The following PLCD3 variants were observed in gnomAD, a reference collection of about 807,000 sequenced individuals.
PLCD3 encodes the protein 1-phosphatidylinositol 4,5-bisphosphate phosphodiesterase delta-3.
Under a neutral mutation model 82.8 loss-of-function variants are expected in PLCD3, and 62 were observed. That is an observed-to-expected ratio of 0.75 (90% CI 0.61 to 0.93). PLCD3 has a LOEUF of 0.93. Ranked by LOEUF, PLCD3 falls within the 40% of genes least tolerant of loss-of-function variation. PLCD3 has a pLI of 0.00. For missense variants in PLCD3, 1,023 were observed against 1,103.4 expected, an observed-to-expected ratio of 0.93 and a Z score of 1.03; for synonymous variants, 478 against 471.8, an observed-to-expected ratio of 1.01 and a Z score of -0.17.
In PLCD3 at chr17:45,112,708, T is replaced by G; in HGVS notation, c.2282-4A>C. On this transcript the variant is annotated splice_polypyrimidine_tract_variant and splice_region_variant and intron_variant, in intron 14 of 14. Coordinates refer to ENST00000619929, the MANE Select transcript of PLCD3 (RefSeq NM_133373.5). Reference sequence around the variant, plus strand: ...AGCAGGTGTATGTGGCGGTACCCTGTAGGGAGGACAGCCAGGCCTCAGGTC... The same window carrying G: ...AGCAGGTGTATGTGGCGGTACCCTGGAGGGAGGACAGCCAGGCCTCAGGTC... 1 of 1,602,752 alleles carries G rather than the reference T, an allele frequency of 6.2e-7. No homozygotes were observed. Among genetic ancestry groups the G allele is most frequent in the Non-Finnish European group, 8.5e-7 (1 of 1,174,980 alleles).
At position 45,111,600 on chromosome 17, in the gene PLCD3, A is replaced by C. The variant is rs747595983; in HGVS notation, c.*1016T>G. On this transcript the variant is annotated 3_prime_UTR_variant, in exon 15 of 15. Coordinates refer to ENST00000619929, the MANE Select transcript of PLCD3 (RefSeq NM_133373.5). ...AACTCATCCAGCCCTGTCCCTCCTC[A>C]TGGGCCTGTGGGGGTGGCAGCATAG... 14 of 152,156 alleles carry C rather than the reference A, an allele frequency of 9.2e-5. No individual in the cohort carries two copies. Among genetic ancestry groups the C allele is most frequent in the Admixed American group, 4.6e-4 (7 of 15,284 alleles). The allele number at this position is 152,156 out of a possible 1,614,324, so 9.4% of individuals were successfully genotyped here. A position where few individuals can be genotyped will look rare whatever the true frequency, so the allele number is the denominator to read the frequency against.
intron 3 of PLCD3, 139 bp downstream of exon 3, chr17:45,120,763 C>G: frequency 1.8e-6 from 2 of 1,132,372 alleles, no homozygotes; most frequent in Non-Finnish European, 2.4e-6. Flanking sequence ...GTTTCGAAGA[C>G]CAAGGGCTCC....
Position 45,118,924 on chromosome 17 carries a change from G to A in PLCD3, c.804C>T (p.Arg268=), listed in dbSNP as rs777941190. The A allele has an allele frequency of 1.3e-5, 21 of 1,612,500 alleles. No individual in the cohort carries two copies. The highest frequency in any genetic ancestry group is 5.5e-5 in the South Asian group (5 of 90,974). Residue 268 remains arginine (R), a synonymous_variant, in exon 5 of 15, where the codon CGC becomes CGT. Transcript: ENST00000619929. This position sits in a 1 kb window ranked among gnomAD's most constrained non-coding sequence, Gnocchi z 4.1. ...EIFHQYSGED[R]VLSAPELLEF... Reference sequence around the variant, plus strand: ...CCAGCAGCTCAGGGGCACTCAGCACGCGGTCCTCGCCCGAGTACTGATGGA... The same window carrying A: ...CCAGCAGCTCAGGGGCACTCAGCACACGGTCCTCGCCCGAGTACTGATGGA...
chr17:45,113,843 C>A (rs1318802375), intron 11 of PLCD3, among the ~76,000 whole-genome samples: 2 of 152,062 alleles, frequency 1.3e-5, no homozygotes, highest in Non-Finnish European at 2.9e-5. Context: ...AGCCCCCACC[C>A]TCAGGGCCAG....
rs769638916 is a variant in PLCD3 at position 45,118,304 on chromosome 17, C to T, written c.1102G>A (p.Glu368Lys). ...DSQIGGPSSTEAYVRAFAQGC... is the reference protein window; with the variant it reads ...DSQIGGPSSTKAYVRAFAQGC... ...CTGCTACAGTACCTAACATAGGCCT[C>T]GGTGCTGCTGGGCCCCCCGATCTGG... The change falls in exon 6 of 15, where the codon GAG becomes AAG. Residue 368 changes from glutamate (E) to lysine (K), a missense_variant. Coordinates refer to ENST00000619929, the MANE Select transcript of PLCD3 (RefSeq NM_133373.5). The surrounding 1 kb of genome is among the most constrained non-coding windows in gnomAD (Gnocchi z 4.1). 7 of 1,614,024 alleles carry T rather than the reference C, an allele frequency of 4.3e-6. No homozygotes were observed. Among genetic ancestry groups the T allele is most frequent in the East Asian group, 4.5e-5 (2 of 44,878 alleles).
Position 45,111,268 on chromosome 17 carries a change from T to C in PLCD3, c.*1348A>G, listed in dbSNP as rs1173444285. The C allele has an allele frequency of 6.6e-6, 1 of 152,154 alleles. No homozygotes were observed. The highest frequency in any genetic ancestry group is 1.5e-5 in the Non-Finnish European group (1 of 68,012). 9.4% of individuals were successfully genotyped at this position (152,154 alleles called of 1,614,324 possible). A position where few individuals can be genotyped will look rare whatever the true frequency, so the allele number is the denominator to read the frequency against. On this transcript the variant is annotated 3_prime_UTR_variant, in exon 15 of 15. Transcript: ENST00000619929. ...CCCGTGTCCTTGGGATTTGCCCTAC[T>C]GAGCAGACAGGGGCCTTGAGCCCAG... is the stretch of plus-strand genomic sequence containing the variant.
chr17:45,121,952 G>A (rs1224730268), intron 1 of PLCD3, among the ~76,000 whole-genome samples: 5 of 125,584 alleles, frequency 4.0e-5, no homozygotes, highest in East Asian at 2.4e-4. Flanking sequence ...GTGAGACTGC[G>A]TCTTAACAAA....
intron 4 of PLCD3, 146 bp downstream of exon 4, chr17:45,120,179 T>A: frequency 9.0e-7 from 1 of 1,116,446 alleles, no homozygotes. Context: ...TAACCCCAGA[T>A]GTTGCCTTTG....
rs777261654 is a variant in PLCD3 at position 45,121,098 on chromosome 17, C to T, written c.358G>A (p.Gly120Ser). The change falls in exon 3 of 15, where the codon GGC becomes AGC. Residue 120 changes from glycine (G) to serine (S), a missense_variant. By Grantham distance (56) the Gly-to-Ser change is moderately conservative. Around this residue, in one of 3 missense-constraint regions of PLCD3, gnomAD observed 448 missense variants for 406.3 expected, o/e 1.10. Coordinates refer to ENST00000619929, the MANE Select transcript of PLCD3 (RefSeq NM_133373.5). ...FVQHIEAVRE[G>S]HQSEGLRRFG... ...CGCCGCAGGCCCTCGGACTGGTGGC[C>T]CTCGCGGACCGCCTCGATGTGCTGC... The T allele has an allele frequency of 6.5e-7, 1 of 1,530,692 alleles. No homozygotes were observed. The highest frequency in any genetic ancestry group is 2.0e-5 in the Admixed American group (1 of 49,784). 94.8% of individuals were successfully genotyped at this position (1,530,692 alleles called of 1,614,324 possible).
Position 45,116,619 on chromosome 17 carries a change from T to TG in PLCD3, c.1413+12dup, listed in dbSNP as rs748669994. ...ACCTCCCTCCACCCAGGCTAGGGGCTGGGGGGCGTCACCTCTGGGGATGGC... is the reference window on the plus strand; with the variant it reads ...ACCTCCCTCCACCCAGGCTAGGGGCTGGGGGGGCGTCACCTCTGGGGATGGC... On this transcript the variant is annotated intron_variant, in intron 8 of 14. Transcript: ENST00000619929. The TG allele has an allele frequency of 1.3e-6, 2 of 1,562,872 alleles. No homozygotes were observed. Among genetic ancestry groups the TG allele is most frequent in the Non-Finnish European group, 8.7e-7 (1 of 1,152,094 alleles).
chr17:45,128,746 A>T (rs965788975), intron 1 of PLCD3, among the ~76,000 whole-genome samples: 43 of 152,248 alleles, frequency 2.8e-4, no homozygotes, highest in African/African-American at 9.6e-4. Context: ...GTTAAATGTG[A>T]AATTCAGATA....
chr17:45,116,998 A>T (rs2054296745), intron 7 of PLCD3, among the ~76,000 whole-genome samples: 1 of 152,036 alleles, frequency 6.6e-6, no homozygotes, highest in African/African-American at 2.4e-5. Flanking sequence ...ATGCTGGAGT[A>T]TAGTGGTGCA....
intron 7 of PLCD3, among the ~76,000 whole-genome samples, chr17:45,117,312 G>A (rs1272356786): frequency 6.6e-6 from 1 of 152,082 alleles, no homozygotes; most frequent in Non-Finnish European, 1.5e-5. Flanking sequence ...CAGTGGCACA[G>A]TCAGTCTCCC....
At chr17:45,120,787 C>T (rs923733543) in intron 3 of PLCD3, 115 bp downstream of exon 3, 4 of 1,120,150 alleles carry the variant, frequency 3.6e-6, no homozygotes, top group Non-Finnish European at 4.6e-6. Flanking sequence ...CCAGACCGTG[C>T]GCCCTCAGGA....
Position 45,121,029 on chromosome 17 carries a change from A to C in PLCD3, c.427T>G (p.Phe143Val). The change falls in exon 3 of 15, where the codon TTC becomes GTC. Residue 143 changes from phenylalanine (F) to valine (V), a missense_variant. Phe to Val is a conservative substitution (Grantham distance 50). Coordinates refer to ENST00000619929, the MANE Select transcript of PLCD3 (RefSeq NM_133373.5). Reference sequence around the variant, plus strand: ...TCCAGGTTCTTGCGGCGGCCCTTGAAGGCGATGGTGAGGCAGCGCGCTGGC... The same window carrying C: ...TCCAGGTTCTTGCGGCGGCCCTTGACGGCGATGGTGAGGCAGCGCGCTGGC... ...FAPARCLTIA[F>V]KGRRKNLDLA... The C allele has an allele frequency of 6.5e-7, 1 of 1,540,972 alleles. No homozygotes were observed. The highest frequency in any genetic ancestry group is 8.7e-7 in the Non-Finnish European group (1 of 1,150,860).
chr17:45,115,227 C>T lies in PLCD3; in HGVS notation c.1578G>A (p.Pro526=), dbSNP rs1051659137. ...AQRRLAKQIS[P]ELSALAVYCH... ...AGTACACAGCCAGGGCCGACAGCTC[C>T]GGGGAGATCTGCTTGGCCTAGGAGA... Residue 526 remains proline (P), a synonymous_variant, in exon 10 of 15, where the codon CCG becomes CCA. Coordinates refer to ENST00000619929, the MANE Select transcript of PLCD3 (RefSeq NM_133373.5). The T allele has an allele frequency of 5.7e-6, 9 of 1,567,406 alleles. No homozygotes were observed. The highest frequency in any genetic ancestry group is 3.6e-5 in the Admixed American group (2 of 54,914).
rs376279421 is a variant in PLCD3, at chr17:45,113,642, C to T, written c.1829-37G>A. 2.2e-4 allele frequency: 347 copies of T among 1,545,974 alleles called. 3 individuals carry two copies. The South Asian group carries it at 3.4e-3, about 15-fold the overall frequency. On this transcript the variant is annotated intron_variant, in intron 11 of 14. Transcript: ENST00000619929. ...GCAGGGTCAGAGCAGGGGCTCTTAG[C>T]GGCCCTGTTCTCACTACTCAGTTTC...
intron 4 of PLCD3, among the ~76,000 whole-genome samples, chr17:45,119,351 C>G (rs538981661): frequency 2.0e-5 from 3 of 152,228 alleles, no homozygotes; most frequent in Middle Eastern, 3.2e-3. Context: ...CCTCAGCCTT[C>G]CAAATAGCTG....
At chr17:45,114,497 C>A in intron 10 of PLCD3, 131 bp from the exon 11 acceptor site, 1 of 663,864 alleles carries the variant, frequency 1.5e-6, no homozygotes, top group Admixed American at 3.5e-5. Flanking sequence ...TCACTCTCTT[C>A]TGACCTAGAG....
Sources: allele counts gnomAD v4.1 joint callset (sites outside exome capture counted in the v4.1 genomes callset), GRCh38; gene constraint gnomAD v4.1.1; regional missense constraint gnomAD v4.1.1; non-coding constraint Gnocchi (gnomAD v3.1); transcripts MANE v1.5; gene names NCBI Gene and HGNC (gene_info 2026-07-23, HGNC 2026-07-21).